The following GPHN variants were observed in gnomAD, a reference collection of about 807,000 sequenced individuals.
The protein encoded by GPHN is gephyrin.
In GPHN, 17 loss-of-function variants were observed where a neutral mutation model predicts 95.5. The ratio of observed to expected loss-of-function variants is 0.18; its 90% CI spans 0.12 to 0.27. The LOEUF (loss-of-function observed/expected upper bound fraction) is 0.27, where lower values mean the gene tolerates loss of function less well. GPHN is among the 10% of genes least tolerant of loss of function. GPHN has a pLI of 1.00. For missense variants in GPHN, 660 were observed against 978.1 expected (o/e 0.67, Z 4.34); for synonymous variants, 320 against 322.5 (o/e 0.99, Z 0.08).
intron 8 of GPHN, among the ~76,000 whole-genome samples, chr14:66,956,501 A>G (rs1368359397): frequency 4.6e-5 from 7 of 151,924 alleles, no homozygotes; most frequent in Non-Finnish European, 1.0e-4. Flanking sequence ...AGTCCCACCA[A>G]CAGTGTAAAA....
intron 10 of GPHN, among the ~76,000 whole-genome samples, chr14:67,045,745 CTCTCTG>C (rs973585883): frequency 2.0e-5 from 3 of 151,520 alleles, no homozygotes; most frequent in Non-Finnish European, 2.9e-5. Flanking sequence ...CTCTGTCCAT[CTCTCTG>C]TCTCTGTCTC....
the GPHN span, among the ~76,000 whole-genome samples, chr14:67,317,812 C>G: frequency 6.6e-6 from 1 of 152,172 alleles, no homozygotes; most frequent in East Asian, 1.9e-4. Flanking sequence ...GTCACAGAAG[C>G]AACTCATTCC....
chr14:67,541,046 G>A, the GPHN span, among the ~76,000 whole-genome samples: 1 of 152,166 alleles, frequency 6.6e-6, no homozygotes, highest in Non-Finnish European at 1.5e-5. Context: ...ATATCTAGCA[G>A]TTTTCTGGTT....
chr14:66,624,019 C>A (rs1329934039), intron 1 of GPHN, among the ~76,000 whole-genome samples: 1 of 152,156 alleles, frequency 6.6e-6, no homozygotes, highest in African/African-American at 2.4e-5. Flanking sequence ...GAGAAAAAGT[C>A]TACACAGTGC....
At chr14:67,518,403 T>C in the GPHN span, among the ~76,000 whole-genome samples, 5 of 152,168 alleles carry the variant, frequency 3.3e-5, no homozygotes, top group African/African-American at 1.2e-4. Flanking sequence ...TAAGAGTAAG[T>C]AGGAGAATGC....
At chr14:67,423,671 A>G in the GPHN span, among the ~76,000 whole-genome samples, 2 of 152,196 alleles carry the variant, frequency 1.3e-5, no homozygotes, top group African/African-American at 4.8e-5. Flanking sequence ...GAGGAAAGGA[A>G]GGGTGTAGAG....
chr14:67,213,668 G>T, the GPHN span, among the ~76,000 whole-genome samples: 3 of 152,016 alleles, frequency 2.0e-5, no homozygotes, highest in South Asian at 2.1e-4. Context: ...ATAGTCCTTT[G>T]GGTATATACC....
intron 1 of GPHN, among the ~76,000 whole-genome samples, chr14:66,629,984 C>T (rs537801482): frequency 3.3e-5 from 5 of 152,104 alleles, no homozygotes; most frequent in South Asian, 2.1e-4. Flanking sequence ...GGATGTTAAC[C>T]GTAACATTAG....
intron 8 of GPHN, among the ~76,000 whole-genome samples, chr14:66,937,248 CCCTCCTCAA>C (rs1257509655): frequency 6.6e-6 from 1 of 152,142 alleles, no homozygotes; most frequent in African/African-American, 2.4e-5. Context: ...AAGCAATCCA[CCCTCCTCAA>C]CCTCCCAAAG....
At chr14:67,622,913 T>C in the GPHN span, among the ~76,000 whole-genome samples, 1 of 152,222 alleles carries the variant, frequency 6.6e-6, no homozygotes, top group Non-Finnish European at 1.5e-5. Context: ...CTTCTCTTAC[T>C]CATGCTTTGT....
At chr14:66,827,729 GTTAAA>G (rs1414934554) in intron 4 of GPHN, among the ~76,000 whole-genome samples, 3 of 151,886 alleles carry the variant, frequency 2.0e-5, no homozygotes, top group Admixed American at 6.6e-5. Flanking sequence ...TTAGAATCTT[GTTAAA>G]TTATTTCTTA....
chr14:67,397,695 G>GA, the GPHN span: 1 of 1,613,356 alleles, frequency 6.2e-7, no homozygotes, highest in Non-Finnish European at 8.5e-7. Flanking sequence ...AGGGGCAGGT[G>GA]ATGGTGCAGC....
the GPHN span, among the ~76,000 whole-genome samples, chr14:67,355,675 A>T: frequency 6.6e-6 from 1 of 151,996 alleles, no homozygotes; most frequent in Non-Finnish European, 1.5e-5. Flanking sequence ...AAAAAGAGCT[A>T]ATGAAAAGTA....
At chr14:67,651,584 GTA>G in the GPHN span, 2 of 1,322,784 alleles carry the variant, frequency 1.5e-6, no homozygotes, top group Middle Eastern at 1.9e-4. Context: ...CTCTGAGGCT[GTA>G]TGTTTGATCA....
intron 1 of GPHN, among the ~76,000 whole-genome samples, chr14:66,624,868 G>A (rs368973720): frequency 1.2e-3 from 186 of 152,224 alleles, no homozygotes; most frequent in African/African-American, 4.1e-3. Flanking sequence ...TGAGTGTTGG[G>A]CTCTTGCCAG....
chr14:67,363,245 ACAGT>A, the GPHN span, among the ~76,000 whole-genome samples: 4 of 151,734 alleles, frequency 2.6e-5, no homozygotes, highest in East Asian at 5.8e-4. Context: ...AACGAAACAA[ACAGT>A]CAGCTGTTTC....
chr14:67,280,849 TTC>T, the GPHN span, among the ~76,000 whole-genome samples: 1 of 101,524 alleles, frequency 9.8e-6, no homozygotes, highest in East Asian at 4.4e-4. Flanking sequence ...CCTTCCTTCC[TTC>T]CTTCCCTCCC....
the GPHN span, chr14:67,198,880 T>C: frequency 1.5e-6 from 1 of 673,144 alleles, no homozygotes; most frequent in Non-Finnish European, 2.7e-6. Context: ...AGTTCAATGA[T>C]AGGGGTCATA....
intron 1 of GPHN, among the ~76,000 whole-genome samples, chr14:66,518,120 A>G (rs1057053567): frequency 7.0e-6 from 1 of 142,854 alleles, no homozygotes; most frequent in African/African-American, 2.9e-5. Flanking sequence ...TAAATAAATA[A>G]ATAACCCAGA....
Sources: gnomAD v4.1 joint callset for allele counts (sites outside exome capture counted in the v4.1 genomes callset) on GRCh38, gnomAD v4.1.1 for gene constraint, MANE v1.5 for transcripts, NCBI Gene and HGNC (gene_info 2026-07-23, HGNC 2026-07-21) for gene names.